The following KIRREL3 variants were observed in gnomAD, a reference collection of about 807,000 sequenced individuals.
KIRREL3 encodes kirre like nephrin family adhesion molecule 3.
Under a neutral mutation model 89.7 loss-of-function variants are expected in KIRREL3, and 36 were observed. The ratio of observed to expected loss-of-function variants is 0.40; its 90% CI spans 0.31 to 0.53. KIRREL3 has a LOEUF of 0.53. Among genes scored for constraint, KIRREL3 ranks in the 20% least tolerant of loss-of-function variants. The pLI is 0.49. For missense variants in KIRREL3, 864 were observed against 1,056.6 expected, an observed-to-expected ratio of 0.82 and a Z score of 2.53; for synonymous variants, 445 against 441.4, an observed-to-expected ratio of 1.01 and a Z score of -0.10.
At chr11:126,487,556 A>G (rs1225267431) in intron 4 of KIRREL3, among the ~76,000 whole-genome samples, 1 of 152,266 alleles carries the variant, frequency 6.6e-6, no homozygotes, top group Non-Finnish European at 1.5e-5. Flanking sequence ...TCCTAAGAGG[A>G]AAAAGTCAAA....
chr11:126,754,856 A>G lies in KIRREL3; in HGVS notation c.56-191944T>C, dbSNP rs1769264734. Among the ~76,000 whole-genome samples, 1 of 152,204 alleles carries G rather than the reference A, an allele frequency of 6.6e-6. No homozygotes were observed. Among genetic ancestry groups the G allele is most frequent in the African/African-American group, 2.4e-5 (1 of 41,452 alleles). On this transcript the variant is annotated intron_variant, in intron 1 of 16. Transcript: ENST00000525144. This position sits in a 1 kb window ranked among gnomAD's most constrained non-coding sequence, Gnocchi z 5.1. ...GACTGGTCTCTTTCTCCATGGCCAGACATTGATGAAAATTGTACTGAGCAG... is the reference window on the plus strand; with the variant it reads ...GACTGGTCTCTTTCTCCATGGCCAGGCATTGATGAAAATTGTACTGAGCAG...
chr11:126,927,905 T>C (rs966757483), intron 1 of KIRREL3, among the ~76,000 whole-genome samples: 2 of 152,216 alleles, frequency 1.3e-5, no homozygotes, highest in Non-Finnish European at 2.9e-5. Context: ...GCTTTGCCAC[T>C]TTGGGGATCT....
Position 126,758,283 on chromosome 11 carries a change from T to C in KIRREL3, c.56-195371A>G, listed in dbSNP as rs551346674. Among the ~76,000 whole-genome samples the C allele has an allele frequency of 1.6e-3, 239 of 152,386 alleles. 1 individual carries two copies. The highest frequency in any genetic ancestry group is 5.5e-3 in the African/African-American group (230 of 41,590). ...TATCTTGCAGCTTTTTAGAAATTTTTATAACAGTATTATGTTTGTTGTATT... is the reference window on the plus strand; with the variant it reads ...TATCTTGCAGCTTTTTAGAAATTTTCATAACAGTATTATGTTTGTTGTATT... On this transcript the variant is annotated intron_variant, in intron 1 of 16. Transcript: ENST00000525144.
rs536362689 is a variant in KIRREL3, at chr11:126,916,276, C to T, written c.55+84179G>A. Among the ~76,000 whole-genome samples, 6 of 152,214 alleles carry T rather than the reference C, an allele frequency of 3.9e-5. No homozygotes were observed. In the East Asian group the frequency reaches 9.6e-4, roughly 24 times the overall value. ...TCAGAATGTGCTGTTTTCATATAGACCAGTGCTTCTGAAGGTTGAGTTAGG... is the reference window on the plus strand; with the variant it reads ...TCAGAATGTGCTGTTTTCATATAGATCAGTGCTTCTGAAGGTTGAGTTAGG... On this transcript the variant is annotated intron_variant, in intron 1 of 16. Coordinates refer to ENST00000525144, the MANE Select transcript of KIRREL3 (RefSeq NM_032531.4).
intron 1 of KIRREL3, among the ~76,000 whole-genome samples, chr11:126,633,509 T>C (rs1401004088): frequency 6.6e-6 from 1 of 152,106 alleles, no homozygotes; most frequent in Non-Finnish European, 1.5e-5. Context: ...CCCACAAGAA[T>C]TGGTTGTTGA....
intron 7 of KIRREL3, among the ~76,000 whole-genome samples, chr11:126,452,503 C>T (rs755339090): frequency 6.6e-6 from 1 of 152,190 alleles, no homozygotes; most frequent in Non-Finnish European, 1.5e-5. Flanking sequence ...CTGTGGGTGC[C>T]GGGCTGGGGC....
rs980425031 is a variant in KIRREL3, at chr11:126,513,132, T to C, written c.433+8183A>G. Among the ~76,000 whole-genome samples the C allele has an allele frequency of 6.6e-6, 1 of 151,964 alleles. No homozygotes were observed. The highest frequency in any genetic ancestry group is 6.6e-5 in the Admixed American group (1 of 15,262). On this transcript the variant is annotated intron_variant, in intron 4 of 16. Coordinates refer to ENST00000525144, the MANE Select transcript of KIRREL3 (RefSeq NM_032531.4). The surrounding 1 kb of genome is among the most constrained non-coding windows in gnomAD (Gnocchi z 5.9). ...AGAGCCTGTCTCTTGGTGATGGGGG[T>C]GCAGCCACTGGGGCCAGGCAACAGC...
rs918694453 is a variant in KIRREL3 at position 126,624,268 on chromosome 11, C to T, written c.56-61356G>A. ...ATCAGAGAATGGTGATAAGTTTGTA[C>T]AGGTGGGATCATCAGTTATTCTCCC... On this transcript the variant is annotated intron_variant, in intron 1 of 16. Coordinates refer to ENST00000525144, the MANE Select transcript of KIRREL3 (RefSeq NM_032531.4). This position sits in a 1 kb window ranked among gnomAD's most constrained non-coding sequence, Gnocchi z 6.0. Among the ~76,000 whole-genome samples, 1 of 152,120 alleles carries T rather than the reference C, an allele frequency of 6.6e-6. No individual in the cohort carries two copies. The highest frequency in any genetic ancestry group is 2.4e-5 in the African/African-American group (1 of 41,416).
chr11:126,866,500 C>G (rs973823776), intron 1 of KIRREL3, among the ~76,000 whole-genome samples: 1 of 152,150 alleles, frequency 6.6e-6, no homozygotes, highest in Non-Finnish European at 1.5e-5. Context: ...GGAGGGGGGC[C>G]GGGAAGTGCA....
rs975508224 is a variant in KIRREL3 at position 126,535,717 on chromosome 11, G to C, written c.134-9030C>G. On this transcript the variant is annotated intron_variant, in intron 2 of 16. Coordinates refer to ENST00000525144, the MANE Select transcript of KIRREL3 (RefSeq NM_032531.4). This position sits in a 1 kb window ranked among gnomAD's most constrained non-coding sequence, Gnocchi z 4.5. ...TTTTGGTTGAGGGCTGGGCCCGGTGGCTCACGCCTGTAATCCCAGCACTTT... is the reference window on the plus strand; with the variant it reads ...TTTTGGTTGAGGGCTGGGCCCGGTGCCTCACGCCTGTAATCCCAGCACTTT... Among the ~76,000 whole-genome samples, 1 of 152,244 alleles carries C rather than the reference G, an allele frequency of 6.6e-6. No homozygotes were observed. Among genetic ancestry groups the C allele is most frequent in the African/African-American group, 2.4e-5 (1 of 41,476 alleles).
chr11:126,897,709 T>C lies in KIRREL3; in HGVS notation c.55+102746A>G, dbSNP rs2134816033. Among the ~76,000 whole-genome samples, 1 of 152,358 alleles carries C rather than the reference T, an allele frequency of 6.6e-6. No homozygotes were observed. Among genetic ancestry groups the C allele is most frequent in the African/African-American group, 2.4e-5 (1 of 41,590 alleles). On this transcript the variant is annotated intron_variant, in intron 1 of 16. Coordinates refer to ENST00000525144, the MANE Select transcript of KIRREL3 (RefSeq NM_032531.4). The surrounding 1 kb of genome is among the most constrained non-coding windows in gnomAD (Gnocchi z 4.2). ...TTAAATCTTTTCCACTTTGATTTCATCTCCAGTTTCGGACGAGCAGCAGTA... is the reference window on the plus strand; with the variant it reads ...TTAAATCTTTTCCACTTTGATTTCACCTCCAGTTTCGGACGAGCAGCAGTA...
chr11:126,471,520 C>T lies in KIRREL3; in HGVS notation c.591+1789G>A, dbSNP rs1218344144. On this transcript the variant is annotated intron_variant, in intron 5 of 16. Coordinates refer to ENST00000525144, the MANE Select transcript of KIRREL3 (RefSeq NM_032531.4). The surrounding 1 kb of genome is among the most constrained non-coding windows in gnomAD (Gnocchi z 5.4). ...GGGAGGTGTGGGGAGAGTGTGGGCA[C>T]AGCCTCTGTTGTGGCTTGCTTTCAT... Among the ~76,000 whole-genome samples the T allele has an allele frequency of 6.6e-6, 1 of 152,104 alleles. No homozygotes were observed. The highest frequency in any genetic ancestry group is 1.5e-5 in the Non-Finnish European group (1 of 68,024).
At chr11:126,582,538 A>C (rs1941605887) in intron 1 of KIRREL3, among the ~76,000 whole-genome samples, 1 of 152,014 alleles carries the variant, frequency 6.6e-6, no homozygotes, top group Non-Finnish European at 1.5e-5. Flanking sequence ...CTGCCCATTT[A>C]CCTCCCCAGT....
upstream of KIRREL3, chr11:127,002,871 A>G (rs1950338319): frequency 6.6e-6 from 1 of 152,214 alleles, no homozygotes; most frequent in Non-Finnish European, 1.5e-5. Flanking sequence ...AATACGCAAT[A>G]ATCAGGCACA....
intron 1 of KIRREL3, among the ~76,000 whole-genome samples, chr11:126,929,775 T>A (rs540410366): frequency 1.9e-3 from 295 of 152,354 alleles, no homozygotes; most frequent in African/African-American, 6.8e-3. Context: ...TTCATCAGGC[T>A]GCACATTTGC....
chr11:126,718,348 GT>G (rs1268161055), intron 1 of KIRREL3, among the ~76,000 whole-genome samples: 10 of 151,330 alleles, frequency 6.6e-5, no homozygotes, highest in African/African-American at 2.5e-4. Flanking sequence ...GCAGGTGCAA[GT>G]TGCGGAACCC....
In KIRREL3 at chr11:126,430,843, C is replaced by T. The variant is rs1955102336; in HGVS notation, c.1696+576G>A. 2.6e-6 allele frequency: 1 copy of T among 381,728 alleles called. No homozygotes were observed. The highest frequency in any genetic ancestry group is 3.6e-6 in the Non-Finnish European group (1 of 275,964). The allele number at this position is 381,728 out of a possible 1,614,324, so 23.6% of individuals were successfully genotyped here. A position where few individuals can be genotyped will look rare whatever the true frequency, so the allele number is the denominator to read the frequency against. The stretch of plus-strand genomic sequence containing the variant: ...TGTCTCCATTGTCTTCACCTGTTCT[C>T]TGCCATCCAATCTCTCACACGTTAT... On this transcript the variant is annotated intron_variant, in intron 14 of 16. Transcript: ENST00000525144. The surrounding 1 kb of genome is among the most constrained non-coding windows in gnomAD (Gnocchi z 6.6).
At position 126,782,212 on chromosome 11, in the gene KIRREL3, G is replaced by T. The variant is rs1273242263; in HGVS notation, c.55+218243C>A. 4.6e-5 allele frequency among the ~76,000 whole-genome samples: 7 copies of T among 152,188 alleles called. No individual in the cohort carries two copies. The highest frequency in any genetic ancestry group is 8.8e-5 in the Non-Finnish European group (6 of 68,052). ...TCTTCCCTCCCGTCCCTACTCTAGA[G>T]GCCACGAGTTCAAAATGATAAAGCT... On this transcript the variant is annotated intron_variant, in intron 1 of 16. Transcript: ENST00000525144. This position sits in a 1 kb window ranked among gnomAD's most constrained non-coding sequence, Gnocchi z 4.1.
chr11:126,554,800 T>TG (rs1162968195), intron 2 of KIRREL3, among the ~76,000 whole-genome samples: 3 of 152,160 alleles, frequency 2.0e-5, no homozygotes, highest in Non-Finnish European at 2.9e-5. Flanking sequence ...TCCCAATTGT[T>TG]GCTTTTTTGG....
Sources: allele counts gnomAD v4.1 joint callset (sites outside exome capture counted in the v4.1 genomes callset), GRCh38; gene constraint gnomAD v4.1.1; non-coding constraint Gnocchi (gnomAD v3.1); transcripts MANE v1.5; gene names NCBI Gene and HGNC (gene_info 2026-07-23, HGNC 2026-07-21).